The following EYA1 variants were observed in gnomAD, a reference collection of about 807,000 sequenced individuals.
EYA1 encodes EYA transcriptional coactivator and phosphatase 1.
EYA1 carries 16 observed loss-of-function variants against 82.0 expected under a neutral mutation model. The observed-to-expected ratio is 0.20, with a 90% CI of 0.13 to 0.30. The LOEUF (loss-of-function observed/expected upper bound fraction) is 0.30. Ranked by LOEUF, EYA1 falls within the 10% of genes least tolerant of loss-of-function variation. The pLI is 1.00. For missense variants in EYA1, 633 were observed against 730.7 expected, an observed-to-expected ratio of 0.87 and a Z score of 1.54; for synonymous variants, 261 against 264.4, an observed-to-expected ratio of 0.99 and a Z score of 0.12.
chr8:71,396,024 G>T (rs975323340), intron 2 of EYA1, among the ~76,000 whole-genome samples: 9 of 152,130 alleles, frequency 5.9e-5, no homozygotes, highest in African/African-American at 2.2e-4. Flanking sequence ...TCTTGGGAGG[G>T]TGTATGTGTC....
At chr8:71,207,265 T>C (rs1807909845) in intron 17 of EYA1, among the ~76,000 whole-genome samples, 1 of 152,230 alleles carries the variant, frequency 6.6e-6, no homozygotes, top group South Asian at 2.1e-4. Context: ...TCATTATCTT[T>C]TGTGAATGAT....
intron 2 of EYA1, among the ~76,000 whole-genome samples, chr8:71,512,983 T>C (rs945591103): frequency 6.6e-6 from 1 of 152,136 alleles, no homozygotes; most frequent in Admixed American, 6.5e-5. Context: ...AAAGATTAAG[T>C]TGATCTCATC....
At chr8:71,212,456 C>T (rs936393601) in intron 16 of EYA1, among the ~76,000 whole-genome samples, 2 of 152,148 alleles carry the variant, frequency 1.3e-5, no homozygotes, top group African/African-American at 4.8e-5. Flanking sequence ...TCTCTCCTTA[C>T]GGGGAAATGC....
intron 2 of EYA1, among the ~76,000 whole-genome samples, chr8:71,432,014 C>T (rs907862211): frequency 1.3e-5 from 2 of 152,174 alleles, no homozygotes; most frequent in Non-Finnish European, 2.9e-5. Flanking sequence ...TCTGACTACT[C>T]CACTAGTCTC....
intron 11 of EYA1, among the ~76,000 whole-genome samples, chr8:71,248,007 C>T (rs896392945): frequency 6.6e-6 from 1 of 152,198 alleles, no homozygotes; most frequent in African/African-American, 2.4e-5. Context: ...TTTATATGAC[C>T]ATTGAAAGAA....
chr8:71,331,372 A>C (rs917834806), intron 4 of EYA1, among the ~76,000 whole-genome samples: 3 of 151,560 alleles, frequency 2.0e-5, no homozygotes, highest in Non-Finnish European at 2.9e-5. Flanking sequence ...ATCAGGAAAA[A>C]CAGTGATAGT....
chr8:71,496,403 G>A (rs1811414852), intron 2 of EYA1, among the ~76,000 whole-genome samples: 1 of 152,172 alleles, frequency 6.6e-6, no homozygotes, highest in South Asian at 2.1e-4. Flanking sequence ...CCCTGATACT[G>A]AAAACAGATT....
chr8:71,479,790 T>A (rs1270635075), intron 2 of EYA1, among the ~76,000 whole-genome samples: 1 of 152,158 alleles, frequency 6.6e-6, no homozygotes, highest in African/African-American at 2.4e-5. Flanking sequence ...TTTCCTAAGA[T>A]ACCTGAACAC....
Position 71,529,088 on chromosome 8 carries a change from G to A in EYA1, c.33+6656C>T, listed in dbSNP as rs76512662. Among the ~76,000 whole-genome samples the A allele has an allele frequency of 5.5e-3, 837 of 152,214 alleles. 9 individuals carry two copies. The highest frequency in any genetic ancestry group is 0.019 in the African/African-American group (799 of 41,532). On this transcript the variant is annotated intron_variant, in intron 2 of 18. Coordinates refer to the EYA1 transcript ENST00000643681. ...TACTGGTAAAAAACAAAATTGAGGCGTAGAAATTGAAATTAATTTCATGAA... is the reference window on the plus strand; with the variant it reads ...TACTGGTAAAAAACAAAATTGAGGCATAGAAATTGAAATTAATTTCATGAA...
intron 2 of EYA1, among the ~76,000 whole-genome samples, chr8:71,504,087 G>A (rs565076514): frequency 2.2e-4 from 34 of 152,300 alleles, no homozygotes; most frequent in Non-Finnish European, 4.6e-4. Context: ...TTATCATTCA[G>A]GAAGTGTGTT....
At chr8:71,378,599 G>A (rs964853049) in intron 2 of EYA1, among the ~76,000 whole-genome samples, 14 of 152,130 alleles carry the variant, frequency 9.2e-5, no homozygotes, top group Admixed American at 5.9e-4. Context: ...GTATATATGG[G>A]TTATACTTCA....
intron 2 of EYA1, among the ~76,000 whole-genome samples, chr8:71,395,309 C>T (rs573998245): frequency 1.4e-5 from 2 of 148,146 alleles, no homozygotes; most frequent in South Asian, 4.2e-4. Context: ...ATTGCCCTGG[C>T]CAGAACTTCC....
At chr8:71,475,369 C>T (rs566924084) in intron 2 of EYA1, among the ~76,000 whole-genome samples, 3 of 152,256 alleles carry the variant, frequency 2.0e-5, no homozygotes, top group African/African-American at 4.8e-5. Context: ...TGCTTTTTAA[C>T]GACCTTTTGT....
chr8:71,488,984 T>C, intron 2 of EYA1, among the ~76,000 whole-genome samples: 1 of 152,204 alleles, frequency 6.6e-6, no homozygotes, highest in Non-Finnish European at 1.5e-5. Flanking sequence ...TCTGATGTCA[T>C]TTTACTCTAT....
chr8:71,499,549 C>T (rs1298688204), intron 2 of EYA1, among the ~76,000 whole-genome samples: 1 of 152,100 alleles, frequency 6.6e-6, no homozygotes, highest in African/African-American at 2.4e-5. Flanking sequence ...TGAAAACAAG[C>T]AAAATTCTGC....
At chr8:71,431,978 G>T (rs1297133145) in intron 2 of EYA1, among the ~76,000 whole-genome samples, 1 of 152,072 alleles carries the variant, frequency 6.6e-6, no homozygotes, top group African/African-American at 2.4e-5. Flanking sequence ...CCACATTTCT[G>T]CTATTTATAT....
chr8:71,501,708 G>C (rs1047992171), intron 2 of EYA1, among the ~76,000 whole-genome samples: 4 of 152,180 alleles, frequency 2.6e-5, no homozygotes, highest in Non-Finnish European at 4.4e-5. Flanking sequence ...TCCTGCCTCG[G>C]CTACACAAAG....
At chr8:71,272,019 T>A in intron 9 of EYA1, 122 bp from the exon 10 acceptor site, 1 of 1,022,492 alleles carries the variant, frequency 9.8e-7, no homozygotes, top group Non-Finnish European at 1.6e-6. Flanking sequence ...GCTGAAATCC[T>A]ACATCGTCTT....
At chr8:71,325,041 G>C (rs940178797) in intron 4 of EYA1, among the ~76,000 whole-genome samples, 24 of 152,144 alleles carry the variant, frequency 1.6e-4, no homozygotes, top group African/African-American at 5.5e-4. Context: ...CCATTCTCTA[G>C]CTCACAATCA....
Sources: gnomAD v4.1 joint callset for allele counts (sites outside exome capture counted in the v4.1 genomes callset) on GRCh38, gnomAD v4.1.1 for gene constraint, MANE v1.5 for transcripts, NCBI Gene and HGNC (gene_info 2026-07-23, HGNC 2026-07-21) for gene names.